DCLK2: variants seen among roughly 807,000 people sequenced by gnomAD.
The protein encoded by DCLK2 is serine/threonine-protein kinase DCLK2.
DCLK2 carries 31 observed loss-of-function variants against 78.4 expected under a neutral mutation model. That is an observed-to-expected ratio of 0.40 (90% CI 0.30 to 0.53). DCLK2 has a LOEUF of 0.53. DCLK2 is among the 20% of genes least tolerant of loss of function. The probability of loss-of-function intolerance (pLI) is 0.61; values close to 1 mark genes in which losing one functional copy is unlikely to be tolerated. For synonymous variants in DCLK2, 407 were observed against 374.9 expected (o/e 1.09, Z -0.99); for missense variants, 872 against 973.7 (o/e 0.90, Z 1.39).
chr4:150,204,256 C>T (rs1488882704), intron 5 of DCLK2, among the ~76,000 whole-genome samples: 1 of 152,146 alleles, frequency 6.6e-6, no homozygotes, highest in Non-Finnish European at 1.5e-5. Flanking sequence ...TGTTTCGAGT[C>T]ATGACTTTAA....
chr4:150,146,265 G>A (rs775268160), intron 2 of DCLK2, among the ~76,000 whole-genome samples: 8 of 152,188 alleles, frequency 5.3e-5, no homozygotes, highest in Admixed American at 2.0e-4. Flanking sequence ...ATGGGCCCAC[G>A]TCAGCATTAC....
At chr4:150,245,901 T>TA (rs1743273301) in intron 12 of DCLK2, among the ~76,000 whole-genome samples, 1 of 152,166 alleles carries the variant, frequency 6.6e-6, no homozygotes, top group African/African-American at 2.4e-5. Flanking sequence ...GCCATCCCAT[T>TA]ACTGGGTATA....
At chr4:150,199,802 A>G (rs569715394) in intron 4 of DCLK2, among the ~76,000 whole-genome samples, 12 of 152,204 alleles carry the variant, frequency 7.9e-5, no homozygotes, top group Non-Finnish European at 1.3e-4. Flanking sequence ...CAAAGAGTAG[A>G]TGTAGTTTTG....
At chr4:150,184,180 G>T (rs1189978348) in intron 2 of DCLK2, among the ~76,000 whole-genome samples, 1 of 152,182 alleles carries the variant, frequency 6.6e-6, no homozygotes, top group African/African-American at 2.4e-5. Context: ...ACAAAACCAG[G>T]CAGTTAACCT....
intron 5 of DCLK2, among the ~76,000 whole-genome samples, chr4:150,216,493 G>A (rs566351372): frequency 1.3e-4 from 20 of 152,150 alleles, no homozygotes; most frequent in African/African-American, 4.6e-4. Flanking sequence ...TAAAAAATTA[G>A]TCGGGCGTGG....
rs1368434582 is a variant in DCLK2 at position 150,079,087 on chromosome 4, G to T, written c.60G>T (p.Arg20=). Residue 20 remains arginine (R), a synonymous_variant, in exon 1 of 16, where the codon CGG becomes CGT. Coordinates refer to ENST00000296550, the MANE Select transcript of DCLK2 (RefSeq NM_001040260.4). ...TTGAGGAACGGGACAAAAGGCCGCG[G>T]CCGGGGTCGCGGAGAGGGGCCCCCA... ...EHFEERDKRP[R]PGSRRGAPSS... is the part of the protein sequence containing the mutation. 6 of 1,563,634 alleles carry T rather than the reference G, an allele frequency of 3.8e-6. No homozygotes were observed. The highest frequency in any genetic ancestry group is 5.2e-6 in the Non-Finnish European group (6 of 1,158,418).
intron 2 of DCLK2, among the ~76,000 whole-genome samples, chr4:150,119,754 A>G (rs1406604790): frequency 2.1e-5 from 3 of 146,256 alleles, no homozygotes; most frequent in East Asian, 2.0e-4. Context: ...TAGCAGGGAG[A>G]AAAAAAAAAA....
At chr4:150,146,529 A>G (rs1734484511) in intron 2 of DCLK2, among the ~76,000 whole-genome samples, 1 of 149,788 alleles carries the variant, frequency 6.7e-6, no homozygotes, top group Non-Finnish European at 1.5e-5. Context: ...CTAGCACTGT[A>G]GTAGAGCAGT....
intron 10 of DCLK2, among the ~76,000 whole-genome samples, chr4:150,236,185 C>G (rs924906895): frequency 6.6e-6 from 1 of 152,214 alleles, no homozygotes; most frequent in Non-Finnish European, 1.5e-5. Context: ...ACAGAAGCAT[C>G]TCACAGCTTG....
At chr4:150,247,983 A>G (rs528171801) in intron 13 of DCLK2, among the ~76,000 whole-genome samples, 1 of 152,368 alleles carries the variant, frequency 6.6e-6, no homozygotes, top group African/African-American at 2.4e-5. Flanking sequence ...GGCACCCATC[A>G]GGATACAGGG....
At chr4:150,162,213 G>A (rs947007888) in intron 2 of DCLK2, among the ~76,000 whole-genome samples, 18 of 151,882 alleles carry the variant, frequency 1.2e-4, no homozygotes, top group Admixed American at 1.2e-3. Flanking sequence ...TGCATTTTTT[G>A]TAGAGATGGG....
chr4:150,100,207 C>T (rs147804123), intron 1 of DCLK2, among the ~76,000 whole-genome samples: 1 of 152,250 alleles, frequency 6.6e-6, no homozygotes, highest in Non-Finnish European at 1.5e-5. Flanking sequence ...GGCACCATGC[C>T]CAGCCTACAA....
In DCLK2 at chr4:150,214,305, T is replaced by G. The variant is rs1183897616; in HGVS notation, c.1057-6398T>G. On this transcript the variant is annotated intron_variant, in intron 5 of 15. Transcript: ENST00000296550. ...TGATACCTGAGATTCTTTAATCAAC[T>G]TGGGATTCAGATTGACAATAGAATT... Among the ~76,000 whole-genome samples, 4 of 152,340 alleles carry G rather than the reference T, an allele frequency of 2.6e-5. No homozygotes were observed. In the East Asian group the frequency reaches 7.7e-4, roughly 29 times the overall value.
At chr4:150,209,001 G>A (rs1740087754) in intron 5 of DCLK2, among the ~76,000 whole-genome samples, 1 of 152,148 alleles carries the variant, frequency 6.6e-6, no homozygotes, top group Admixed American at 6.6e-5. Flanking sequence ...TCACCCTGTG[G>A]GTATGGTGGC....
chr4:150,188,050 T>G (rs1189586460), intron 2 of DCLK2, among the ~76,000 whole-genome samples: 1 of 152,202 alleles, frequency 6.6e-6, no homozygotes, highest in East Asian at 1.9e-4. Flanking sequence ...CCGCACCCCT[T>G]GGCCTCCCAA....
At chr4:150,190,235 TTAGATAGATAGATAGATAGATAGA>T (rs35680371) in intron 2 of DCLK2, among the ~76,000 whole-genome samples, 2,944 of 115,516 alleles carry the variant, frequency 0.025, 125 homozygotes, top group African/African-American at 0.078. Context: ...AGATGGATAG[TTAGATAGATAGATAGATAGATAGA>T]TAGATAGATA....
At chr4:150,103,241 C>T (rs1246450344) in intron 2 of DCLK2, among the ~76,000 whole-genome samples, 1 of 152,048 alleles carries the variant, frequency 6.6e-6, no homozygotes, top group African/African-American at 2.4e-5. Context: ...TTTTCTTCCC[C>T]ACTTACATAT....
intron 4 of DCLK2, among the ~76,000 whole-genome samples, chr4:150,199,704 A>T (rs896525461): frequency 6.6e-6 from 1 of 152,208 alleles, no homozygotes; most frequent in Admixed American, 6.5e-5. Context: ...CTTATTTCAA[A>T]TTGTATCATG....
At chr4:150,107,159 G>GT (rs2150160071) in intron 2 of DCLK2, among the ~76,000 whole-genome samples, 1 of 152,312 alleles carries the variant, frequency 6.6e-6, no homozygotes, top group Admixed American at 6.5e-5. Context: ...GATATTAACA[G>GT]TGCTGAGATT....
Sources: gnomAD v4.1 joint callset for allele counts (sites outside exome capture counted in the v4.1 genomes callset) on GRCh38, gnomAD v4.1.1 for gene constraint, MANE v1.5 for transcripts, NCBI Gene and HGNC (gene_info 2026-07-23, HGNC 2026-07-21) for gene names.